PSEN1: variants seen among roughly 807,000 people sequenced by gnomAD.
PSEN1 encodes the protein presenilin-1.
In PSEN1, 15 loss-of-function variants were observed where a neutral mutation model predicts 53.5. That is an observed-to-expected ratio of 0.28 (90% confidence interval 0.19 to 0.43). PSEN1 has a LOEUF of 0.43. Among genes scored for constraint, PSEN1 ranks in the 20% least tolerant of loss-of-function variants. The pLI is 1.00. For missense variants in PSEN1, 387 were observed against 571.2 expected, an observed-to-expected ratio of 0.68 and a Z score of 3.29; for synonymous variants, 208 against 209.8, an observed-to-expected ratio of 0.99 and a Z score of 0.08.
intron 3 of PSEN1, chr14:73,168,961 A>ACACT (rs780407573): frequency 3.9e-5 from 6 of 152,228 alleles, no homozygotes; most frequent in African/African-American, 1.4e-4. Flanking sequence ...TCTGATTCCC[A>ACACT]CACTCACTCA....
rs534278679 is a variant in PSEN1 at position 73,223,622 on chromosome 14, A to G, written c.*4333A>G. ...TATAAATACCTTTCAAATTCTTGGT[A>G]AGATATAATTTTGATAGCTGATTGC... is the stretch of plus-strand genomic sequence containing the variant. On this transcript the variant is annotated 3_prime_UTR_variant, in exon 12 of 12. Coordinates refer to ENST00000324501, the MANE Select transcript of PSEN1 (RefSeq NM_000021.4). The G allele has an allele frequency of 2.6e-5, 4 of 152,288 alleles. No homozygotes were observed. Among genetic ancestry groups the G allele is most frequent in the African/African-American group, 9.6e-5 (4 of 41,554 alleles). 9.4% of individuals were successfully genotyped at this position (152,288 alleles called of 1,614,324 possible).
At chr14:73,216,870 AT>A (rs1343856009) in intron 10 of PSEN1, among the ~76,000 whole-genome samples, 3 of 152,204 alleles carry the variant, frequency 2.0e-5, no homozygotes, top group African/African-American at 7.2e-5. Context: ...ATAGATGACG[AT>A]TATTACTTAT....
chr14:73,156,523 T>G (rs951235676), intron 3 of PSEN1, among the ~76,000 whole-genome samples: 2 of 152,092 alleles, frequency 1.3e-5, no homozygotes, highest in African/African-American at 4.8e-5. Context: ...AAAATAATAC[T>G]GGAGTGGCAA....
At chr14:73,214,563 C>T (rs1489308403) in intron 10 of PSEN1, among the ~76,000 whole-genome samples, 1 of 150,874 alleles carries the variant, frequency 6.6e-6, no homozygotes, top group African/African-American at 2.4e-5. Flanking sequence ...ACTACCTTCA[C>T]AATAAATAAA....
At chr14:73,191,538 A>G (rs371556256) in intron 6 of PSEN1, among the ~76,000 whole-genome samples, 8 of 151,942 alleles carry the variant, frequency 5.3e-5, no homozygotes, top group South Asian at 4.2e-4. Flanking sequence ...AAATACGTAC[A>G]TATATTTTTT....
chr14:73,217,670 A>G (rs1046404985), intron 11 of PSEN1, among the ~76,000 whole-genome samples: 1 of 151,984 alleles, frequency 6.6e-6, no homozygotes, highest in African/African-American at 2.4e-5. Flanking sequence ...TAATGACACA[A>G]CCTGTAGCAT....
intron 5 of PSEN1, among the ~76,000 whole-genome samples, chr14:73,177,801 T>A (rs539460923): frequency 3.3e-5 from 5 of 152,332 alleles, no homozygotes; most frequent in Non-Finnish European, 7.3e-5. Context: ...AAAATTTTCT[T>A]TTTCTTTTCA....
intron 3 of PSEN1, among the ~76,000 whole-genome samples, chr14:73,149,158 T>C (rs1196153752): frequency 6.6e-6 from 1 of 151,966 alleles, no homozygotes; most frequent in African/African-American, 2.4e-5. Context: ...GTGGTGGAAG[T>C]TACCAGGCAA....
chr14:73,197,993 C>G (rs201813306), intron 7 of PSEN1, 38 bp from the exon 8 acceptor site: 3 of 1,159,252 alleles, frequency 2.6e-6, no homozygotes, highest in Non-Finnish European at 3.9e-6. Context: ...TTAGCCCATA[C>G]ATTTTATTAG....
chr14:73,218,627 C>T lies in PSEN1; in HGVS notation c.1249-507C>T, dbSNP rs115882151. Among the ~76,000 whole-genome samples, 6 of 151,776 alleles carry T rather than the reference C, an allele frequency of 4.0e-5. No homozygotes were observed. In the East Asian group the frequency reaches 5.8e-4, roughly 15 times the overall value. ...ATCATGCTTCACGGAGGAGCCTGTG[C>T]GGGAAGAATGCTCCCACACAGCATA... On this transcript the variant is annotated intron_variant, in intron 11 of 11. Coordinates refer to ENST00000324501, the MANE Select transcript of PSEN1 (RefSeq NM_000021.4).
chr14:73,151,894 A>ATT lies in PSEN1; in HGVS notation c.87+3822_87+3823dup, dbSNP rs56754992. Among the ~76,000 whole-genome samples the ATT allele has an allele frequency of 5.6e-4, 22 of 38,982 alleles. 1 individual carries two copies. Among genetic ancestry groups the ATT allele is most frequent in the Non-Finnish European group, 7.3e-4 (18 of 24,702 alleles). The allele number at this position is 38,982 out of a possible 152,430, so 25.6% of individuals were successfully genotyped here. On this transcript the variant is annotated intron_variant, in intron 3 of 11. Transcript: ENST00000324501. The stretch of plus-strand genomic sequence containing the variant: ...TAAAATATTTTATATATATATATAT[A>ATT]TTTTTTTTTTTTTTTTTTTTTTTTT...
chr14:73,162,815 T>C (rs368575250), intron 3 of PSEN1, among the ~76,000 whole-genome samples: 1 of 152,304 alleles, frequency 6.6e-6, no homozygotes, highest in East Asian at 1.9e-4. Flanking sequence ...TTTGCTTGCA[T>C]ATGTAGAAAG....
chr14:73,181,993 T>G (rs879942362), intron 5 of PSEN1, among the ~76,000 whole-genome samples: 6 of 152,118 alleles, frequency 3.9e-5, no homozygotes, highest in African/African-American at 9.7e-5. Flanking sequence ...AGGCTGGTCT[T>G]GAACTCCTGA....
intron 9 of PSEN1, among the ~76,000 whole-genome samples, chr14:73,209,319 C>T (rs776305367): frequency 4.6e-5 from 7 of 152,080 alleles, no homozygotes; most frequent in East Asian, 1.9e-4. Context: ...CCAGATGGGC[C>T]GCTGCTGCCA....
intron 11 of PSEN1, among the ~76,000 whole-genome samples, chr14:73,218,010 ACTC>A (rs1899988309): frequency 6.9e-6 from 1 of 144,014 alleles, no homozygotes; most frequent in South Asian, 2.2e-4. Flanking sequence ...CTCCTCTTGA[ACTC>A]CTGACCTCAA....
At chr14:73,137,766 T>A (rs994498164) in intron 1 of PSEN1, among the ~76,000 whole-genome samples, 6 of 152,034 alleles carry the variant, frequency 3.9e-5, no homozygotes, top group Admixed American at 1.3e-4. Context: ...GAACAGAAGA[T>A]TTAGAGCAGC....
chr14:73,180,647 G>A (rs1297757180), intron 5 of PSEN1, among the ~76,000 whole-genome samples: 1 of 152,206 alleles, frequency 6.6e-6, no homozygotes, highest in Non-Finnish European at 1.5e-5. Flanking sequence ...ACTTATTAAA[G>A]TCAGATGATT....
intron 8 of PSEN1, among the ~76,000 whole-genome samples, chr14:73,200,426 C>A (rs776052794): frequency 3.9e-5 from 6 of 152,024 alleles, no homozygotes; most frequent in Non-Finnish European, 7.4e-5. Context: ...CATGCCACCA[C>A]GCCTGGCTGA....
chr14:73,148,971 A>C (rs1477248029), intron 3 of PSEN1, among the ~76,000 whole-genome samples: 1 of 152,044 alleles, frequency 6.6e-6, no homozygotes, highest in Non-Finnish European at 1.5e-5. Flanking sequence ...AGAGAAAAAG[A>C]AAGAAAAGAA....
Sources: allele counts gnomAD v4.1 joint callset (sites outside exome capture counted in the v4.1 genomes callset), GRCh38; gene constraint gnomAD v4.1.1; transcripts MANE v1.5; gene names NCBI Gene and HGNC (gene_info 2026-07-23, HGNC 2026-07-21).